Variants in STK4 observed in about 807,000 individuals in gnomAD.
The protein encoded by STK4 is serine/threonine-protein kinase 4.
In STK4, 30 loss-of-function variants were observed where a neutral mutation model predicts 64.9. The ratio of observed to expected loss-of-function variants is 0.46; its 90% CI spans 0.35 to 0.63. STK4 has a LOEUF of 0.63. Among genes scored for constraint, STK4 ranks in the 20% least tolerant of loss-of-function variants. The probability of loss-of-function intolerance (pLI) is 0.01; values close to 1 mark genes in which losing one functional copy is unlikely to be tolerated. For synonymous variants in STK4, 177 were observed against 199.0 expected (o/e 0.89, Z 0.93); for missense variants, 466 against 598.5 (o/e 0.78, Z 2.31).
At chr20:45,060,924 T>C (rs1160354505) in intron 10 of STK4, among the ~76,000 whole-genome samples, 1 of 152,208 alleles carries the variant, frequency 6.6e-6, no homozygotes, top group Non-Finnish European at 1.5e-5. Flanking sequence ...TACTCCTCGA[T>C]CCTTACATGG....
At chr20:45,032,766 C>T (rs2068466611) in intron 10 of STK4, among the ~76,000 whole-genome samples, 1 of 152,124 alleles carries the variant, frequency 6.6e-6, no homozygotes, top group South Asian at 2.1e-4. Flanking sequence ...AGAACAATTT[C>T]TGTGCCTTTG....
At chr20:45,009,909 A>G (rs181638983) in intron 9 of STK4, among the ~76,000 whole-genome samples, 5 of 152,342 alleles carry the variant, frequency 3.3e-5, no homozygotes, top group African/African-American at 1.2e-4. Context: ...TGTGCTTATC[A>G]ATTCTAGTAG....
intron 5 of STK4, among the ~76,000 whole-genome samples, chr20:44,990,441 TA>T (rs150623113): frequency 3.3e-5 from 5 of 151,876 alleles, no homozygotes; most frequent in African/African-American, 1.2e-4. Context: ...GTTGTTTTGT[TA>T]AAAAAAATGA....
chr20:45,044,997 G>A (rs140573732), intron 10 of STK4, among the ~76,000 whole-genome samples: 59 of 151,978 alleles, frequency 3.9e-4, no homozygotes, highest in African/African-American at 1.3e-3. Context: ...TAAGGCCGTT[G>A]ATGTTTATTT....
intron 9 of STK4, among the ~76,000 whole-genome samples, chr20:45,004,898 A>G (rs1465664040): frequency 8.6e-5 from 13 of 151,042 alleles, no homozygotes. Flanking sequence ...CCTCCCAAGT[A>G]GCTGGGATTA....
At chr20:45,014,445 A>T (rs1010588354) in intron 9 of STK4, among the ~76,000 whole-genome samples, 4 of 152,132 alleles carry the variant, frequency 2.6e-5, no homozygotes, top group African/African-American at 4.8e-5. Flanking sequence ...AAATAAAATA[A>T]AATGGAAAGG....
chr20:44,975,455 G>A (rs908450896), intron 2 of STK4: 1 of 791,742 alleles, frequency 1.3e-6, no homozygotes, highest in Non-Finnish European at 1.5e-6. Context: ...AGTGTATGAA[G>A]AGAACTTTCT....
Position 45,075,084 on chromosome 20 carries a change from G to A in STK4, c.1372G>A (p.Glu458Lys), listed in dbSNP as rs559407748. 1.2e-5 allele frequency: 20 copies of A among 1,614,204 alleles called. No individual in the cohort carries two copies. In the South Asian group the frequency reaches 2.0e-4, roughly 16 times the overall value. ...LLALDPMMEQEIEEIRQKYQS... is the reference protein window; with the variant it reads ...LLALDPMMEQKIEEIRQKYQS... ...GGCCCTGGACCCCATGATGGAGCAG[G>A]AGATTGAAGAGATCCGGCAGAAGTA... is the stretch of plus-strand genomic sequence containing the variant. Residue 458 changes from glutamate to lysine, a missense_variant, in exon 11 of 11, where the codon GAG (glutamate) becomes AAG (lysine). By Grantham distance (56) the Glu-to-Lys change is moderately conservative. Around this residue, in one of 2 missense-constraint regions of STK4, gnomAD observed 276 missense variants for 308.9 expected, o/e 0.89. Transcript: ENST00000372806.
At chr20:45,023,412 A>G (rs2068283807) in intron 9 of STK4, among the ~76,000 whole-genome samples, 1 of 152,142 alleles carries the variant, frequency 6.6e-6, no homozygotes, top group African/African-American at 2.4e-5. Context: ...TGCATAGACC[A>G]AGGGTGCCTG....
intron 9 of STK4, among the ~76,000 whole-genome samples, chr20:45,017,805 T>C (rs1187339148): frequency 6.6e-6 from 1 of 152,230 alleles, no homozygotes; most frequent in East Asian, 1.9e-4. Context: ...GATTTAGCTC[T>C]CTTTGAATTT....
chr20:44,972,119 C>G lies in STK4; in HGVS notation c.77C>G (p.Pro26Arg). Residue 26 changes from proline (P) to arginine (R), a missense_variant, in exon 2 of 11, where the codon CCA becomes CGA. This residue lies in a region of STK4 where 190 missense variants were observed against 289.7 expected (regional missense o/e 0.66). Coordinates refer to ENST00000372806, the MANE Select transcript of STK4 (RefSeq NM_006282.5). ...GATGAAGATAGTTTAACCAAACAAC[C>G]AGAAGAAGTATTTGATGTCTTAGAG... ...KLDEDSLTKQ[P>R]EEVFDVLEKL... 1 of 1,613,766 alleles carries G rather than the reference C, an allele frequency of 6.2e-7. No individual in the cohort carries two copies. The highest frequency in any genetic ancestry group is 8.5e-7 in the Non-Finnish European group (1 of 1,179,866).
At chr20:44,997,080 A>G (rs1031793646) in intron 6 of STK4, 89 bp from the exon 7 acceptor site, 3 of 1,573,718 alleles carry the variant, frequency 1.9e-6, no homozygotes, top group African/African-American at 2.7e-5. Flanking sequence ...TCATTTACCA[A>G]GCTTCAAATG....
At chr20:44,981,465 A>G (rs1035635791) in intron 3 of STK4, among the ~76,000 whole-genome samples, 15 of 152,104 alleles carry the variant, frequency 9.9e-5, no homozygotes, top group African/African-American at 3.4e-4. Context: ...CTGTATCATT[A>G]TTTCTTAAAT....
chr20:45,001,057 G>T, intron 8 of STK4, 110 bp from the exon 9 acceptor site: 1 of 1,239,464 alleles, frequency 8.1e-7, no homozygotes. Context: ...TTTAGGACCT[G>T]AATAAGTGTT....
intron 9 of STK4, among the ~76,000 whole-genome samples, chr20:45,023,895 CTTTTTTTTTT>C (rs752584355): frequency 7.2e-5 from 8 of 111,322 alleles, no homozygotes; most frequent in African/African-American, 3.0e-4. Context: ...ATACTAACTT[CTTTTTTTTTT>C]TTTTTTTTTT....
At chr20:45,033,254 T>A (rs1229321592) in intron 10 of STK4, among the ~76,000 whole-genome samples, 1 of 152,250 alleles carries the variant, frequency 6.6e-6, no homozygotes, top group Admixed American at 6.5e-5. Context: ...TTTATTTTGC[T>A]GTTCAGAAGC....
At chr20:45,053,030 G>A in intron 10 of STK4, 1 of 1,359,234 alleles carries the variant, frequency 7.4e-7, no homozygotes, top group Non-Finnish European at 1.0e-6. Flanking sequence ...AGTATGTTGA[G>A]ACTGAATTTA....
intron 10 of STK4, among the ~76,000 whole-genome samples, chr20:45,061,873 T>G (rs573220567): frequency 1.0e-4 from 11 of 105,284 alleles, no homozygotes; most frequent in African/African-American, 6.5e-4. Context: ...CTTCTTCTTC[T>G]TTTTTTTTTT....
intron 3 of STK4, among the ~76,000 whole-genome samples, chr20:44,979,717 G>A (rs1034597669): frequency 6.6e-6 from 1 of 152,068 alleles, no homozygotes; most frequent in Non-Finnish European, 1.5e-5. Flanking sequence ...TAGTCCAGAA[G>A]CCTTTCAGTC....
Sources: gnomAD v4.1 joint callset for allele counts (sites outside exome capture counted in the v4.1 genomes callset) on GRCh38, gnomAD v4.1.1 for gene constraint, gnomAD v4.1.1 regional missense constraint, MANE v1.5 for transcripts, NCBI Gene and HGNC (gene_info 2026-07-23, HGNC 2026-07-21) for gene names.